PARD3: variants seen among roughly 807,000 people sequenced by gnomAD.
The protein encoded by PARD3 is par-3 family cell polarity regulator, also known as partitioning defective 3 homolog.
A neutral mutation model predicts 155.4 loss-of-function variants in PARD3; 75 were observed. That is an observed-to-expected ratio of 0.48 (90% confidence interval 0.40 to 0.58). The LOEUF (loss-of-function observed/expected upper bound fraction) is 0.58, where lower values mean the gene tolerates loss of function less well. PARD3 is among the 20% of genes least tolerant of loss of function. The pLI is 0.00. For synonymous variants in PARD3, 576 were observed against 610.5 expected (o/e 0.94, Z 0.83); for missense variants, 1,642 against 1,721.7 (o/e 0.95, Z 0.82).
rs1160927053 is a variant in PARD3 at position 34,605,641 on chromosome 10, C to CTA, written c.223-88484_223-88483dup. Among the ~76,000 whole-genome samples the CTA allele has an allele frequency of 1.2e-3, 41 of 35,552 alleles. 4 individuals carry two copies. The highest frequency in any genetic ancestry group is 9.3e-3 in the East Asian group (9 of 968). 23.3% of individuals were successfully genotyped at this position (35,552 alleles called of 152,430 possible). ...TATATCTCCTATATATATATATCTC[C>CTA]TATATATATATATCTCCTATATATA... On this transcript the variant is annotated intron_variant, in intron 2 of 24. Transcript: ENST00000374788.
chr10:34,198,769 A>C (rs796623509), intron 22 of PARD3, among the ~76,000 whole-genome samples: 19 of 152,232 alleles, frequency 1.2e-4, no homozygotes, highest in African/African-American at 4.1e-4. Flanking sequence ...AGGTGTCAGA[A>C]AACAGGCAAA....
At position 34,386,814 on chromosome 10, in the gene PARD3, G is replaced by A. The variant is rs535563131; in HGVS notation, c.891-2560C>T. ...TCCAGCCTGGGCAACGCAAAACTCC[G>A]TCCAAAAAAAAAAAAAAAAGAATTA... On this transcript the variant is annotated intron_variant, in intron 7 of 24. Transcript: ENST00000374788. Among the ~76,000 whole-genome samples the A allele has an allele frequency of 9.6e-5, 13 of 135,472 alleles. No homozygotes were observed. In the South Asian group the frequency reaches 1.4e-3, roughly 14 times the overall value. The allele number at this position is 135,472 out of a possible 152,430, so 88.9% of individuals were successfully genotyped here. A position where few individuals can be genotyped will look rare whatever the true frequency, so the allele number is the denominator to read the frequency against.
intron 3 of PARD3, among the ~76,000 whole-genome samples, chr10:34,508,648 C>T (rs1054679896): frequency 6.6e-6 from 1 of 152,130 alleles, no homozygotes; most frequent in African/African-American, 2.4e-5. Context: ...CAGATCTAAG[C>T]CTGATTTGTT....
chr10:34,112,011 C>T (rs1210998086), intron 24 of PARD3, among the ~76,000 whole-genome samples: 2 of 152,192 alleles, frequency 1.3e-5, no homozygotes, highest in East Asian at 3.9e-4. Flanking sequence ...CAGCTGCCAC[C>T]ATAATGCCAG....
intron 2 of PARD3, among the ~76,000 whole-genome samples, chr10:34,603,158 T>C (rs772080444): frequency 2.0e-5 from 3 of 152,152 alleles, no homozygotes; most frequent in Non-Finnish European, 1.5e-5. Context: ...AAAATAAATG[T>C]GGTGCTTAGA....
chr10:34,675,252 A>G (rs1393221092), intron 2 of PARD3, among the ~76,000 whole-genome samples: 1 of 152,168 alleles, frequency 6.6e-6, no homozygotes, highest in Non-Finnish European at 1.5e-5. Flanking sequence ...TTCTGCTGTT[A>G]AGCAACTTTG....
intron 20 of PARD3, among the ~76,000 whole-genome samples, chr10:34,295,318 G>A (rs1956857327): frequency 6.6e-6 from 1 of 152,210 alleles, no homozygotes; most frequent in Non-Finnish European, 1.5e-5. Flanking sequence ...TTCGGCAAAT[G>A]TCAAACCTCC....
chr10:34,629,569 C>G (rs1489362547), intron 2 of PARD3, among the ~76,000 whole-genome samples: 2 of 152,168 alleles, frequency 1.3e-5, no homozygotes, highest in Non-Finnish European at 2.9e-5. Context: ...ATCTGCTAGA[C>G]GAAAACCTAC....
rs559259515 is a variant in PARD3, at chr10:34,182,182, C to T, written c.3420-50599G>A. On this transcript the variant is annotated intron_variant, in intron 22 of 24. Coordinates refer to ENST00000374788, the MANE Select transcript of PARD3 (RefSeq NM_001184785.2). ...AGCGCTGGATTGATGGTCCACAGAC[C>T]AGACAGAGCTCCCCTGCCCCAGGCC... 1.7e-4 allele frequency among the ~76,000 whole-genome samples: 26 copies of T among 152,264 alleles called. No homozygotes were observed. The South Asian group carries it at 3.1e-3, about 18-fold the overall frequency.
chr10:34,384,082 C>CATGCCT, intron 8 of PARD3, 47 bp downstream of exon 8: 1 of 1,590,148 alleles, frequency 6.3e-7, no homozygotes, highest in Non-Finnish European at 8.6e-7. Flanking sequence ...TGCACTCTGT[C>CATGCCT]ATGCCTAATG....
At chr10:34,768,381 G>A (rs1424882354) in intron 1 of PARD3, among the ~76,000 whole-genome samples, 1 of 151,986 alleles carries the variant, frequency 6.6e-6, no homozygotes, top group East Asian at 1.9e-4. Context: ...GGGACAACTC[G>A]AAGCAAAGGC....
chr10:34,324,288 T>C (rs763713901), intron 19 of PARD3, among the ~76,000 whole-genome samples: 2 of 152,340 alleles, frequency 1.3e-5, no homozygotes, highest in East Asian at 3.9e-4. Flanking sequence ...ATAATCTATA[T>C]TGAGTGATCC....
intron 22 of PARD3, among the ~76,000 whole-genome samples, chr10:34,212,314 AG>A (rs1951792627): frequency 6.6e-6 from 1 of 152,148 alleles, no homozygotes; most frequent in African/African-American, 2.4e-5. Context: ...CCTGTTATCT[AG>A]GTCATTCTTC....
At chr10:34,634,876 G>T (rs1291187229) in intron 2 of PARD3, among the ~76,000 whole-genome samples, 1 of 152,182 alleles carries the variant, frequency 6.6e-6, no homozygotes, top group African/African-American at 2.4e-5. Context: ...AGCAAACAGG[G>T]GGAATCTGAA....
intron 5 of PARD3, among the ~76,000 whole-genome samples, chr10:34,407,948 G>C (rs1440696640): frequency 6.6e-6 from 1 of 151,956 alleles, no homozygotes; most frequent in Admixed American, 6.6e-5. Flanking sequence ...TCTCACCACA[G>C]AAAACAGGAA....
intron 23 of PARD3, among the ~76,000 whole-genome samples, chr10:34,120,141 C>T (rs1588835626): frequency 1.3e-5 from 2 of 149,412 alleles, no homozygotes; most frequent in African/African-American, 2.5e-5. Flanking sequence ...CTCAGTCTCC[C>T]GAGTAACCGG....
At chr10:34,547,803 A>T (rs2084215945) in intron 2 of PARD3, among the ~76,000 whole-genome samples, 1 of 152,250 alleles carries the variant, frequency 6.6e-6, no homozygotes, top group African/African-American at 2.4e-5. Context: ...GATGATGCTT[A>T]AAAAATTTAA....
chr10:34,463,212 GAAAGA>G (rs1226109579), intron 4 of PARD3, among the ~76,000 whole-genome samples: 3 of 131,178 alleles, frequency 2.3e-5, no homozygotes, highest in Non-Finnish European at 3.2e-5. Flanking sequence ...AAGGGGAAGG[GAAAGA>G]AAAGGGGAAG....
intron 2 of PARD3, among the ~76,000 whole-genome samples, chr10:34,646,563 T>C (rs1343024063): frequency 1.3e-5 from 2 of 152,236 alleles, no homozygotes; most frequent in Non-Finnish European, 2.9e-5. Context: ...TCACCACTAA[T>C]AACCTGAGAG....
Sources: gnomAD v4.1 joint callset for allele counts (sites outside exome capture counted in the v4.1 genomes callset) on GRCh38, gnomAD v4.1.1 for gene constraint, MANE v1.5 for transcripts, NCBI Gene and HGNC (gene_info 2026-07-23, HGNC 2026-07-21) for gene names.